OGG1: variants seen among roughly 807,000 people sequenced by gnomAD.
OGG1 encodes 8-oxoguanine DNA glycosylase.
A neutral mutation model predicts 42.3 loss-of-function variants in OGG1; 35 were observed. That is an observed-to-expected ratio of 0.83 (90% confidence interval 0.63 to 1.10). The LOEUF (loss-of-function observed/expected upper bound fraction) is 1.10. Ranked by LOEUF, OGG1 falls within the 50% of genes least tolerant of loss-of-function variation. OGG1 has a pLI of 0.00. For synonymous variants in OGG1, 189 were observed against 179.0 expected (o/e 1.06, Z -0.44); for missense variants, 484 against 446.7 (o/e 1.08, Z -0.75).
chr3:9,750,929 T>C lies in OGG1; in HGVS notation c.138-16T>C, dbSNP rs775138284. 6.2e-7 allele frequency: 1 copy of C among 1,613,814 alleles called. No individual in the cohort carries two copies. The highest frequency in any genetic ancestry group is 8.5e-7 in the Non-Finnish European group (1 of 1,179,960). On this transcript the variant is annotated splice_polypyrimidine_tract_variant and intron_variant, in intron 1 of 6. Transcript: ENST00000344629. ...AGGAAATTGAGTGCCAGGGTTGTCA[T>C]GTGCCTTGGGCTCAGGTGGAGGGAG...
rs752489467 is a variant in OGG1, at chr3:9,750,441, A to G, written c.137+18A>G. On this transcript the variant is annotated intron_variant, in intron 1 of 6. Transcript: ENST00000344629. ...TCTTTCCGGTGAGTGACTGAGCCTG[A>G]GAAGCCTGTCCCCTCGGACTGGCTC... The G allele has an allele frequency of 1.2e-6, 2 of 1,613,520 alleles. No homozygotes were observed. The highest frequency in any genetic ancestry group is 2.2e-5 in the South Asian group (2 of 91,084).
chr3:9,750,446 C>A (rs763938077), intron 1 of OGG1, 23 bp downstream of exon 1: 2 of 1,613,280 alleles, frequency 1.2e-6, no homozygotes, highest in Non-Finnish European at 1.7e-6. Flanking sequence ...GCCTGAGAAG[C>A]CTGTCCCCTC....
In OGG1 at chr3:9,754,778, G is replaced by A; in HGVS notation, c.640G>A (p.Ala214Thr). The A allele has an allele frequency of 1.2e-6, 2 of 1,614,032 alleles. No homozygotes were observed. Among genetic ancestry groups the A allele is most frequent in the Non-Finnish European group, 1.7e-6 (2 of 1,179,986 alleles). Residue 214 changes from alanine (A) to threonine (T), a missense_variant, in exon 4 of 7, where the codon GCC (alanine) becomes ACC (threonine). Coordinates refer to ENST00000344629, the MANE Select transcript of OGG1 (RefSeq NM_002542.6). ...RARYVSASARAILEEQGGLAW... is the reference protein window; with the variant it reads ...RARYVSASARTILEEQGGLAW... ...CCGTTACGTGAGTGCCAGTGCCCGA[G>A]CCATCCTGGAAGAACAGGGCGGGCT...
intron 3 of OGG1, 157 bp downstream of exon 3, chr3:9,752,106 C>T: frequency 1.5e-6 from 1 of 668,496 alleles, no homozygotes; most frequent in Non-Finnish European, 2.6e-6. Flanking sequence ...TACTCATCCT[C>T]CCTATGCATC....
chr3:9,766,111 G>A (rs1364767574), exon 8 of OGG1: 1 of 1,356,994 alleles, frequency 7.4e-7, no homozygotes, highest in East Asian at 2.5e-5. Context: ...GTCATGTGAT[G>A]CAAGCCAGCT....
rs772066493 is a variant in OGG1, at chr3:9,751,879, T to G, written c.495T>G (p.Ala165=). ...ITGMVERLCQ[A]FGPRLIQLDD... The stretch of plus-strand genomic sequence containing the variant: ...GCATGGTGGAGCGGCTGTGCCAGGC[T>G]TTTGGACCTCGGCTCATCCAGCTTG... Residue 165 remains alanine (A), a synonymous_variant, in exon 3 of 7, where the codon GCT becomes GCG. Transcript: ENST00000344629. The G allele has an allele frequency of 4.3e-6, 7 of 1,614,194 alleles. No individual in the cohort carries two copies. The highest frequency in any genetic ancestry group is 5.9e-6 in the Non-Finnish European group (7 of 1,180,030).
downstream of OGG1, chr3:9,767,685 A>T (rs1413223424): frequency 6.2e-7 from 1 of 1,614,110 alleles, no homozygotes; most frequent in Admixed American, 1.7e-5. Flanking sequence ...AACATCTCGG[A>T]AGTCGTAGAT....
chr3:9,761,543 A>C, downstream of OGG1: 1 of 1,613,332 alleles, frequency 6.2e-7, no homozygotes, highest in Non-Finnish European at 8.5e-7. Flanking sequence ...GGGGCTGTGG[A>C]GGGAAGAGGA....
rs1226569147 is a variant in OGG1, at chr3:9,750,002, C to G, written c.-285C>G. 1 of 490,140 alleles carries G rather than the reference C, an allele frequency of 2.0e-6. No individual in the cohort carries two copies. Among genetic ancestry groups the G allele is most frequent in the East Asian group, 3.4e-5 (1 of 29,608 alleles). 30.4% of individuals were successfully genotyped at this position (490,140 alleles called of 1,614,324 possible). The stretch of plus-strand genomic sequence containing the variant: ...GAACCCAGAAGAACACAGCTGTGCG[C>G]GCCCACAGGCTCTGGGGGCGGGAGA... On this transcript the variant is annotated 5_prime_UTR_variant, in exon 1 of 7. Transcript: ENST00000344629.
At chr3:9,790,636 T>C (rs1435435844), downstream of OGG1, among the ~76,000 whole-genome samples, 1 of 152,236 alleles carries the variant, frequency 6.6e-6, no homozygotes, top group East Asian at 1.9e-4. Flanking sequence ...GTGAATAAAG[T>C]CATCAGAGTA....
chr3:9,789,996 G>C (rs293791), downstream of OGG1: 250,578 of 1,551,364 alleles, frequency 0.16, 21,639 homozygotes, highest in African/African-American at 0.26. Context: ...CTGAGGGGGA[G>C]AAGGGAAAAC....
chr3:9,756,944 C>G, intron 6 of OGG1, 117 bp from the exon 7 acceptor site: 1 of 1,611,984 alleles, frequency 6.2e-7, no homozygotes, highest in Non-Finnish European at 8.5e-7. Context: ...CCAGTGGATT[C>G]TCATTGCCTT....
At chr3:9,786,266 G>A in intron 3 of OGG1, among the ~76,000 whole-genome samples, 1 of 152,126 alleles carries the variant, frequency 6.6e-6, no homozygotes, top group South Asian at 2.1e-4. Context: ...TGGGACTGGA[G>A]TGACAATTAC....
intron 4 of OGG1, 77 bp from the exon 5 acceptor site, chr3:9,756,394 C>T (rs543816845): frequency 2.0e-5 from 30 of 1,475,992 alleles, no homozygotes; most frequent in South Asian, 5.7e-5. Flanking sequence ...AGAAAGCAGC[C>T]GGCTTTGGGG....
downstream of OGG1, chr3:9,767,863 C>G (rs2078198248): frequency 2.7e-6 from 4 of 1,488,176 alleles, no homozygotes; most frequent in Non-Finnish European, 3.6e-6. Context: ...TTCAGTCATT[C>G]AACCTGCATT....
downstream of OGG1, chr3:9,758,033 C>CATCTA: frequency 1.2e-6 from 1 of 815,372 alleles, no homozygotes; most frequent in Non-Finnish European, 1.8e-6. Context: ...CACACACACG[C>CATCTA]ACATATGTTA....
In OGG1 at chr3:9,750,232, A is replaced by G. The variant is rs1017096935; in HGVS notation, c.-55A>G. The G allele has an allele frequency of 2.5e-5, 39 of 1,572,968 alleles. No individual in the cohort carries two copies. Among genetic ancestry groups the G allele is most frequent in the Admixed American group, 1.8e-4 (10 of 57,134 alleles). On this transcript the variant is annotated 5_prime_UTR_variant, in exon 1 of 7. Transcript: ENST00000344629. ...GTCTGGGCGGGGTCTTTGGGCGTCGACGAGGCCTGGTTCTGGGTAGGCGGG... is the reference window on the plus strand; with the variant it reads ...GTCTGGGCGGGGTCTTTGGGCGTCGGCGAGGCCTGGTTCTGGGTAGGCGGG...
chr3:9,763,225 AATG>A (rs1331191848), intron 7 of OGG1: 2 of 1,613,628 alleles, frequency 1.2e-6, no homozygotes, highest in Non-Finnish European at 1.7e-6. Flanking sequence ...TGAAAGGAGA[AATG>A]AGGTGGTTTA....
At position 9,756,627 on chromosome 3, in the gene OGG1, G is replaced by T; in HGVS notation, c.898+6G>T. 6.2e-7 allele frequency: 1 copy of T among 1,612,884 alleles called. No homozygotes were observed. The highest frequency in any genetic ancestry group is 1.3e-5 in the African/African-American group (1 of 75,044). On this transcript the variant is annotated splice_donor_region_variant and intron_variant, in intron 5 of 6. Transcript: ENST00000344629. ...CCAGACCAACAAGGAACTGGGTGAG[G>T]AAAGTGGGCTGCAGGGGCTGGCAGT...
Sources: gnomAD v4.1 joint callset for allele counts (sites outside exome capture counted in the v4.1 genomes callset) on GRCh38, gnomAD v4.1.1 for gene constraint, MANE v1.5 for transcripts, NCBI Gene and HGNC (gene_info 2026-07-23, HGNC 2026-07-21) for gene names.